The following TMEM245 variants were observed in gnomAD, a reference collection of about 807,000 sequenced individuals.
TMEM245 encodes the protein protein CG-2.
A neutral mutation model predicts 101.2 loss-of-function variants in TMEM245; 69 were observed. The ratio of observed to expected loss-of-function variants is 0.68; its 90% CI spans 0.56 to 0.83. The LOEUF (loss-of-function observed/expected upper bound fraction) is 0.83. Among genes scored for constraint, TMEM245 ranks in the 40% least tolerant of loss-of-function variants. The pLI, the probability that TMEM245 is intolerant of heterozygous loss-of-function variation, is 0.00. For missense variants in TMEM245, 1,075 were observed against 1,092.8 expected (o/e 0.98, Z 0.23); for synonymous variants, 537 against 449.8 (o/e 1.19, Z -2.45).
Position 109,020,301 on chromosome 9 carries a change from C to G in TMEM245, c.*159G>C, listed in dbSNP as rs1827580184. 2 of 760,340 alleles carry G rather than the reference C, an allele frequency of 2.6e-6. No individual in the cohort carries two copies. Among genetic ancestry groups the G allele is most frequent in the Admixed American group, 1.9e-5 (1 of 52,018 alleles). The allele number at this position is 760,340 out of a possible 1,614,324, so 47.1% of individuals were successfully genotyped here. A position where few individuals can be genotyped will look rare whatever the true frequency, so the allele number is the denominator to read the frequency against. On this transcript the variant is annotated 3_prime_UTR_variant, in exon 18 of 18. Transcript: ENST00000374586. The stretch of plus-strand genomic sequence containing the variant: ...AATACAAAGCAGCCCGCAGCAAGTT[C>G]TCTCTTGTCCAGGCATTCTGTATGT...
Position 109,119,626 on chromosome 9 carries a change from G to C in TMEM245, c.288C>G (p.Pro96=). Residue 96 remains proline (P), a synonymous_variant, in exon 1 of 18, where the codon CCC becomes CCG. Transcript: ENST00000374586. The stretch of plus-strand genomic sequence containing the variant: ...CCAGGCGCGTCAGCGAGCTCTTGAA[G>C]GGGTGCAGAAAAGTGCCGCATAGCA... ...WAVLCGTFLH[P]FKSSLTRLGR... The C allele has an allele frequency of 2.6e-6, 4 of 1,562,884 alleles. No individual in the cohort carries two copies. The highest frequency in any genetic ancestry group is 3.5e-6 in the Non-Finnish European group (4 of 1,157,134).
In TMEM245 at chr9:109,063,268, C is replaced by T. The variant is rs546253851; in HGVS notation, c.1623+1209G>A. Among the ~76,000 whole-genome samples, 18 of 152,074 alleles carry T rather than the reference C, an allele frequency of 1.2e-4. 1 individual carries two copies. Among genetic ancestry groups the T allele is most frequent in the South Asian group, 6.2e-4 (3 of 4,820 alleles). On this transcript the variant is annotated intron_variant, in intron 10 of 17. Coordinates refer to ENST00000374586, the MANE Select transcript of TMEM245 (RefSeq NM_032012.4). Reference sequence around the variant, plus strand: ...CTGAGTAGCTCGGATTACAGGCGTGCGCAACCACGCCTGGCTAACTTTTGT... The same window carrying T: ...CTGAGTAGCTCGGATTACAGGCGTGTGCAACCACGCCTGGCTAACTTTTGT...
chr9:109,073,507 A>G, intron 8 of TMEM245, 69 bp from the exon 9 acceptor site: 3 of 1,219,504 alleles, frequency 2.5e-6, no homozygotes, highest in Non-Finnish European at 3.5e-6. Flanking sequence ...TTATTTTTCT[A>G]CTCTATTATT....
intron 1 of TMEM245, 31 bp downstream of exon 1, chr9:109,119,303 CG>C: frequency 6.6e-7 from 1 of 1,511,264 alleles, no homozygotes. Flanking sequence ...GGACCACGGG[CG>C]GGGGACGGGG....
chr9:109,034,873 T>C (rs1165580094), intron 16 of TMEM245, among the ~76,000 whole-genome samples: 2 of 152,096 alleles, frequency 1.3e-5, no homozygotes, highest in Non-Finnish European at 2.9e-5. Flanking sequence ...GACAGTATTT[T>C]AGGCCGGGCA....
rs1193341550 is a variant in TMEM245, at chr9:109,041,453, ATTTTTTTT to A, written c.2124-3344_2124-3337del. 4.1e-3 allele frequency among the ~76,000 whole-genome samples: 341 copies of A among 83,258 alleles called. 2 individuals are homozygous for A. Among genetic ancestry groups the A allele is most frequent in the Middle Eastern group, 0.018 (2 of 110 alleles). 54.6% of individuals were successfully genotyped at this position (83,258 alleles called of 152,430 possible). ...GTAGGATGTGGTTGCCATCCTACAA[ATTTTTTTT>A]TTTTTTTTTTTTTTTTTTTTGAGAC... On this transcript the variant is annotated intron_variant, in intron 14 of 17. Transcript: ENST00000374586.
At chr9:109,053,148 G>A (rs1371732528) in intron 12 of TMEM245, among the ~76,000 whole-genome samples, 1 of 152,170 alleles carries the variant, frequency 6.6e-6, no homozygotes, top group African/African-American at 2.4e-5. Context: ...AACTCAGGCT[G>A]GGTGCGGTGG....
chr9:109,056,579 G>A (rs941852509), intron 12 of TMEM245, among the ~76,000 whole-genome samples: 4 of 151,806 alleles, frequency 2.6e-5, no homozygotes, highest in African/African-American at 7.3e-5. Context: ...TCACACTACT[G>A]CACTCCAGCC....
chr9:109,108,376 A>C (rs1830480807), intron 2 of TMEM245, 77 bp downstream of exon 2: 1 of 670,312 alleles, frequency 1.5e-6, no homozygotes, highest in South Asian at 2.8e-5. Flanking sequence ...CAAAAAATTC[A>C]CTTTCATTCA....
intron 7 of TMEM245, among the ~76,000 whole-genome samples, chr9:109,082,066 C>T (rs778862162): frequency 4.6e-5 from 7 of 152,118 alleles, no homozygotes; most frequent in Non-Finnish European, 4.4e-5. Context: ...TAATTTAGAT[C>T]TGATTTATGC....
intron 11 of TMEM245, among the ~76,000 whole-genome samples, chr9:109,058,836 C>A (rs1029070502): frequency 6.6e-6 from 1 of 152,106 alleles, no homozygotes; most frequent in Non-Finnish European, 1.5e-5. Context: ...AAGCTCCCAG[C>A]CTCATGTGAT....
intron 14 of TMEM245, among the ~76,000 whole-genome samples, chr9:109,041,445 T>A (rs1221635281): frequency 7.0e-6 from 1 of 143,782 alleles, no homozygotes; most frequent in Non-Finnish European, 1.5e-5. Context: ...GTGGTTGCCA[T>A]CCTACAAATT....
In TMEM245 at chr9:109,020,320, T is replaced by C. The variant is rs775040453; in HGVS notation, c.*140A>G. The C allele has an allele frequency of 3.7e-6, 3 of 821,362 alleles. No homozygotes were observed. In the Admixed American group the frequency reaches 5.3e-5, roughly 14 times the overall value. 50.9% of individuals were successfully genotyped at this position (821,362 alleles called of 1,614,324 possible). A position where few individuals can be genotyped will look rare whatever the true frequency, so the allele number is the denominator to read the frequency against. On this transcript the variant is annotated 3_prime_UTR_variant, in exon 18 of 18. Coordinates refer to ENST00000374586, the MANE Select transcript of TMEM245 (RefSeq NM_032012.4). ...CAAGTTCTCTCTTGTCCAGGCATTCTGTATGTAAGGCCAGGAGGCTTCTGC... is the reference window on the plus strand; with the variant it reads ...CAAGTTCTCTCTTGTCCAGGCATTCCGTATGTAAGGCCAGGAGGCTTCTGC...
At chr9:109,065,537 T>A (rs1829143388) in intron 9 of TMEM245, among the ~76,000 whole-genome samples, 1 of 152,152 alleles carries the variant, frequency 6.6e-6, no homozygotes, top group South Asian at 2.1e-4. Context: ...TGAGCAAAGT[T>A]CCAACTATGC....
At chr9:109,102,306 G>A (rs1235483329) in intron 3 of TMEM245, among the ~76,000 whole-genome samples, 1 of 152,054 alleles carries the variant, frequency 6.6e-6, no homozygotes, top group Non-Finnish European at 1.5e-5. Context: ...GAGATATATA[G>A]TTATGGTTAC....
In TMEM245 at chr9:109,108,440, A is replaced by AAT; in HGVS notation, c.697+12_697+13insAT. The AAT allele has an allele frequency of 1.4e-6, 2 of 1,384,672 alleles. No individual in the cohort carries two copies. The highest frequency in any genetic ancestry group is 1.9e-6 in the Non-Finnish European group (2 of 1,029,476). 85.8% of individuals were successfully genotyped at this position (1,384,672 alleles called of 1,614,324 possible). Reference sequence around the variant, plus strand: ...AGACTTAAAAAAAAAAAAAAAAAAAAGAAGGAACCCACCTAAATGAAAAAG... The same window carrying AAT: ...AGACTTAAAAAAAAAAAAAAAAAAAAATGAAGGAACCCACCTAAATGAAAAAG... On this transcript the variant is annotated intron_variant, in intron 2 of 17. Coordinates refer to ENST00000374586, the MANE Select transcript of TMEM245 (RefSeq NM_032012.4).
intron 3 of TMEM245, among the ~76,000 whole-genome samples, chr9:109,103,378 A>G (rs1830327920): frequency 6.6e-6 from 1 of 152,240 alleles, no homozygotes; most frequent in Non-Finnish European, 1.5e-5. Flanking sequence ...AATAAGGAAT[A>G]AATTAAAGGT....
intron 5 of TMEM245, among the ~76,000 whole-genome samples, chr9:109,089,887 A>G (rs1429005774): frequency 6.6e-6 from 1 of 152,232 alleles, no homozygotes; most frequent in Non-Finnish European, 1.5e-5. Context: ...CTTTGCATAC[A>G]TGTATTTCTC....
Position 109,119,937 on chromosome 9 carries a change from C to A in TMEM245, c.-24G>T, listed in dbSNP as rs779085270. On this transcript the variant is annotated 5_prime_UTR_variant, in exon 1 of 18. Transcript: ENST00000374586. ...ATCGTTCCTCCGCCACAGCCGCCCC[C>A]GAGGGGCGGTAATGGGAGTCGGGCT... is the stretch of plus-strand genomic sequence containing the variant. 1 of 1,291,828 alleles carries A rather than the reference C, an allele frequency of 7.7e-7. No homozygotes were observed. The highest frequency in any genetic ancestry group is 2.9e-5 in the East Asian group (1 of 34,334). The allele number at this position is 1,291,828 out of a possible 1,614,324, so 80.0% of individuals were successfully genotyped here.
Sources: gnomAD v4.1 joint callset for allele counts (sites outside exome capture counted in the v4.1 genomes callset) on GRCh38, gnomAD v4.1.1 for gene constraint, MANE v1.5 for transcripts, NCBI Gene and HGNC (gene_info 2026-07-23, HGNC 2026-07-21) for gene names.